Variants in SAMSN1 observed in about 807,000 individuals in gnomAD.
SAMSN1 encodes the protein SAM domain, SH3 domain and nuclear localization signals 1, also known as SAM domain-containing protein SAMSN-1.
Under a neutral mutation model 42.0 loss-of-function variants are expected in SAMSN1, and 31 were observed. That is an observed-to-expected ratio of 0.74 (90% CI 0.55 to 1.00). The LOEUF (loss-of-function observed/expected upper bound fraction) is 1.00, where lower values mean the gene tolerates loss of function less well. Among genes scored for constraint, SAMSN1 ranks in the 50% least tolerant of loss-of-function variants. The pLI, the probability that SAMSN1 is intolerant of heterozygous loss-of-function variation, is 0.00. For synonymous variants in SAMSN1, 178 were observed against 151.9 expected (o/e 1.17, Z -1.26); for missense variants, 464 against 439.4 (o/e 1.06, Z -0.50).
At chr21:14,619,500 C>T (rs1489843584) in intron 2 of SAMSN1, among the ~76,000 whole-genome samples, 1 of 152,202 alleles carries the variant, frequency 6.6e-6, no homozygotes, top group East Asian at 1.9e-4. Context: ...TAACTAAATA[C>T]TGGTGGATTT....
intron 7 of SAMSN1, among the ~76,000 whole-genome samples, chr21:14,491,017 T>G (rs1284701620): frequency 2.0e-5 from 3 of 152,198 alleles, no homozygotes; most frequent in Non-Finnish European, 4.4e-5. Context: ...ATATTTACCC[T>G]CCTCAGTTAA....
At chr21:14,516,103 G>C (rs1987903270) in intron 3 of SAMSN1, among the ~76,000 whole-genome samples, 1 of 152,138 alleles carries the variant, frequency 6.6e-6, no homozygotes, top group Non-Finnish European at 1.5e-5. Context: ...CAATTTGCCA[G>C]TTTCTCTATT....
At chr21:14,609,422 CCTGCCCTTTAAA>C (rs1315596673) in intron 5 of SAMSN1, 18 of 712,978 alleles carry the variant, frequency 2.5e-5, no homozygotes, top group Middle Eastern at 2.3e-4. Flanking sequence ...ATTTTTCTTA[CCTGCCCTTTAAA>C]CTACTTTGGG....
At chr21:14,645,416 A>G (rs555686456) in intron 1 of SAMSN1, among the ~76,000 whole-genome samples, 1 of 152,378 alleles carries the variant, frequency 6.6e-6, no homozygotes, top group South Asian at 2.1e-4. Context: ...AAAACCATCA[A>G]TGAGGTACTT....
chr21:14,549,265 G>A (rs372520429), upstream of SAMSN1, among the ~76,000 whole-genome samples: 1 of 152,088 alleles, frequency 6.6e-6, no homozygotes, highest in South Asian at 2.1e-4. Flanking sequence ...GAGACATTGA[G>A]GATCTCCATC....
chr21:14,537,352 T>C (rs1742193968), intron 1 of SAMSN1, among the ~76,000 whole-genome samples: 1 of 151,454 alleles, frequency 6.6e-6, no homozygotes, highest in Middle Eastern at 3.2e-3. Flanking sequence ...GTTCTTCATA[T>C]TTCAAATCCT....
chr21:14,645,028 A>G (rs924171398), intron 1 of SAMSN1, among the ~76,000 whole-genome samples: 23 of 152,160 alleles, frequency 1.5e-4, no homozygotes, highest in African/African-American at 5.5e-4. Flanking sequence ...CTAATGTTTT[A>G]GACTCTAATC....
At chr21:14,590,207 C>G (rs1014598217) in intron 7 of SAMSN1, among the ~76,000 whole-genome samples, 4 of 151,996 alleles carry the variant, frequency 2.6e-5, no homozygotes, top group African/African-American at 7.2e-5. Context: ...ATATATTCTA[C>G]TCTTCTTAGT....
chr21:14,611,456 C>CTCAG, intron 4 of SAMSN1, among the ~76,000 whole-genome samples: 1 of 152,284 alleles, frequency 6.6e-6, no homozygotes, highest in African/African-American at 2.4e-5. Flanking sequence ...TGAAGACAAA[C>CTCAG]TCAGCATGCT....
chr21:14,543,207 A>C (rs1324239489), intron 1 of SAMSN1, among the ~76,000 whole-genome samples: 1 of 152,184 alleles, frequency 6.6e-6, no homozygotes, highest in South Asian at 2.1e-4. Context: ...CTGTTATAGA[A>C]TATCTCTGGT....
chr21:14,515,199 G>A (rs1014656375), intron 3 of SAMSN1, among the ~76,000 whole-genome samples: 6 of 152,142 alleles, frequency 3.9e-5, no homozygotes, highest in Non-Finnish European at 7.4e-5. Context: ...TACTGACGGC[G>A]ACAGCTATTT....
At chr21:14,519,627 G>A in intron 2 of SAMSN1, among the ~76,000 whole-genome samples, 1 of 151,890 alleles carries the variant, frequency 6.6e-6, no homozygotes, top group Non-Finnish European at 1.5e-5. Flanking sequence ...ACTCATAAAT[G>A]TGAATATATA....
intron 1 of SAMSN1, among the ~76,000 whole-genome samples, chr21:14,525,289 C>T (rs1444779702): frequency 6.6e-6 from 1 of 152,090 alleles, no homozygotes; most frequent in African/African-American, 2.4e-5. Context: ...AGAAAGCAAT[C>T]ACACCAAGCT....
At chr21:14,642,974 A>C (rs1243605074) in intron 2 of SAMSN1, 3 of 714,038 alleles carry the variant, frequency 4.2e-6, no homozygotes, top group South Asian at 1.5e-5. Flanking sequence ...GAGAAAAAAA[A>C]ATCCACTCCA....
intron 2 of SAMSN1, among the ~76,000 whole-genome samples, chr21:14,519,498 A>C (rs1600887584): frequency 6.6e-6 from 1 of 152,050 alleles, no homozygotes; most frequent in Non-Finnish European, 1.5e-5. Context: ...CTCTCCATAT[A>C]TATACACACA....
intron 5 of SAMSN1, among the ~76,000 whole-genome samples, chr21:14,502,293 T>A (rs1242549956): frequency 6.6e-6 from 1 of 152,138 alleles, no homozygotes; most frequent in Non-Finnish European, 1.5e-5. Flanking sequence ...AAATCATAGG[T>A]TGGATGGTAT....
At chr21:14,658,994 A>G (rs542798688), upstream of SAMSN1, among the ~76,000 whole-genome samples, 1 of 152,134 alleles carries the variant, frequency 6.6e-6, no homozygotes, top group African/African-American at 2.4e-5. Flanking sequence ...GCATAACATG[A>G]GAGAATGAGA....
chr21:14,592,586 G>T, intron 7 of SAMSN1: 1 of 337,734 alleles, frequency 3.0e-6, no homozygotes. Context: ...ATATCCTTGG[G>T]GACATTTGAC....
upstream of SAMSN1, among the ~76,000 whole-genome samples, chr21:14,549,628 C>A (rs1227696750): frequency 1.3e-5 from 2 of 151,902 alleles, no homozygotes; most frequent in African/African-American, 4.8e-5. Flanking sequence ...TGAAAATAAG[C>A]AAAATAAGGT....
Sources: allele counts gnomAD v4.1 joint callset (sites outside exome capture counted in the v4.1 genomes callset), GRCh38; gene constraint gnomAD v4.1.1; transcripts MANE v1.5; gene names NCBI Gene and HGNC (gene_info 2026-07-23, HGNC 2026-07-21).